The following FOXN3 variants were observed in gnomAD, a reference collection of about 807,000 sequenced individuals.
FOXN3 encodes forkhead box protein N3.
A neutral mutation model predicts 38.4 loss-of-function variants in FOXN3; 7 were observed. The ratio of observed to expected loss-of-function variants is 0.18; its 90% CI spans 0.10 to 0.34. FOXN3 has a LOEUF of 0.34. FOXN3 is among the 10% of genes least tolerant of loss of function. FOXN3 has a pLI of 1.00. For missense variants in FOXN3, 456 were observed against 613.4 expected (o/e 0.74, Z 2.71); for synonymous variants, 230 against 242.2 (o/e 0.95, Z 0.47).
intron 1 of FOXN3, among the ~76,000 whole-genome samples, chr14:89,449,687 C>T (rs1244262147): frequency 6.6e-6 from 1 of 152,122 alleles, no homozygotes; most frequent in African/African-American, 2.4e-5. Context: ...TTTGCAATCT[C>T]GTTTGGAGCA....
chr14:89,513,926 ACACG>A (rs1009831539), intron 1 of FOXN3, among the ~76,000 whole-genome samples: 3 of 149,100 alleles, frequency 2.0e-5, no homozygotes, highest in South Asian at 2.2e-4. Context: ...ACACACACAC[ACACG>A]CACGCACACA....
At chr14:89,328,186 C>T (rs4904547) in intron 3 of FOXN3, among the ~76,000 whole-genome samples, 96,949 of 152,126 alleles carry the variant, frequency 0.64, 32,405 homozygotes, top group South Asian at 0.77. Context: ...TGGAGGTGTA[C>T]GCTCTGATGA....
chr14:89,524,927 C>T (rs777667940), intron 1 of FOXN3, among the ~76,000 whole-genome samples: 98 of 152,258 alleles, frequency 6.4e-4, no homozygotes, highest in Non-Finnish European at 1.2e-3. Flanking sequence ...TTTGACTGAG[C>T]TCCTCTCTAC....
chr14:89,491,695 C>T (rs1351346557), intron 1 of FOXN3, among the ~76,000 whole-genome samples: 8 of 152,194 alleles, frequency 5.3e-5, no homozygotes, highest in African/African-American at 1.9e-4. Flanking sequence ...GAGGTTTATT[C>T]GGACCATTTT....
At chr14:89,285,131 A>G (rs1886583648) in intron 3 of FOXN3, among the ~76,000 whole-genome samples, 1 of 152,206 alleles carries the variant, frequency 6.6e-6, no homozygotes, top group Non-Finnish European at 1.5e-5. Context: ...ACCTGTATTC[A>G]CCAGCTGAAC....
chr14:89,255,052 C>T (rs977285566), intron 4 of FOXN3, among the ~76,000 whole-genome samples: 62 of 152,174 alleles, frequency 4.1e-4, no homozygotes, highest in African/African-American at 1.2e-3. Context: ...TTCTTAGAGG[C>T]TAAGTTCCCA....
intron 2 of FOXN3, among the ~76,000 whole-genome samples, chr14:89,410,457 C>T (rs1891514371): frequency 6.6e-6 from 1 of 152,214 alleles, no homozygotes; most frequent in African/African-American, 2.4e-5. Flanking sequence ...GTGGAAGGAA[C>T]TTTCTCTGGC....
intron 4 of FOXN3, among the ~76,000 whole-genome samples, chr14:89,204,909 T>C (rs946630747): frequency 6.9e-6 from 1 of 145,124 alleles, no homozygotes; most frequent in Non-Finnish European, 1.5e-5. Flanking sequence ...TATTTCATTT[T>C]AGACACAATT....
intron 1 of FOXN3, among the ~76,000 whole-genome samples, chr14:89,534,491 G>A (rs1250716118): frequency 6.6e-6 from 1 of 152,182 alleles, no homozygotes; most frequent in Non-Finnish European, 1.5e-5. Flanking sequence ...AAGAAAGGAA[G>A]CTGTCTAACC....
chr14:89,204,052 TACACACACACACACACACACACAC>T (rs10559428), intron 4 of FOXN3, among the ~76,000 whole-genome samples: 19 of 133,760 alleles, frequency 1.4e-4, no homozygotes, highest in South Asian at 2.8e-4. Context: ...CATACTCCCT[TACACACACACACACACACACACAC>T]ACACACACAC....
At chr14:89,499,204 G>A (rs954356443) in intron 1 of FOXN3, among the ~76,000 whole-genome samples, 1 of 151,998 alleles carries the variant, frequency 6.6e-6, no homozygotes, top group African/African-American at 2.4e-5. Flanking sequence ...GTGCAAAGTG[G>A]CCTGGCTCCC....
intron 2 of FOXN3, among the ~76,000 whole-genome samples, chr14:89,385,257 T>G (rs1890760480): frequency 6.6e-6 from 1 of 152,062 alleles, no homozygotes; most frequent in African/African-American, 2.4e-5. Flanking sequence ...GGCTAATACC[T>G]ACATAAACAT....
chr14:89,263,079 T>C (rs1885859273), intron 4 of FOXN3, among the ~76,000 whole-genome samples: 1 of 152,232 alleles, frequency 6.6e-6, no homozygotes, highest in Non-Finnish European at 1.5e-5. Flanking sequence ...GTTTTCTGCC[T>C]AGAAAAACGC....
chr14:89,333,133 T>A (rs12881202), intron 3 of FOXN3: 27,979 of 155,842 alleles, frequency 0.18, 2,914 homozygotes, highest in South Asian at 0.29. Flanking sequence ...GGAAATGTAA[T>A]TTGGTTCAGC....
At chr14:89,266,215 A>G (rs1885974177) in intron 4 of FOXN3, among the ~76,000 whole-genome samples, 4 of 152,236 alleles carry the variant, frequency 2.6e-5, no homozygotes, top group African/African-American at 9.6e-5. Flanking sequence ...GAAGTCCGAC[A>G]TCAAAGAGCA....
chr14:89,347,575 C>T (rs575941206), intron 3 of FOXN3, among the ~76,000 whole-genome samples: 1 of 152,166 alleles, frequency 6.6e-6, no homozygotes, highest in South Asian at 2.1e-4. Context: ...CTCTGCACTT[C>T]GATTAAAAAC....
intron 1 of FOXN3, among the ~76,000 whole-genome samples, chr14:89,550,594 C>T (rs952824286): frequency 3.3e-5 from 5 of 152,204 alleles, no homozygotes; most frequent in African/African-American, 1.2e-4. Flanking sequence ...CTCTGCACTA[C>T]ACCTGTGTGA....
intron 2 of FOXN3, among the ~76,000 whole-genome samples, chr14:89,385,128 C>A (rs1305258757): frequency 3.3e-5 from 5 of 152,176 alleles, no homozygotes; most frequent in Non-Finnish European, 7.4e-5. Context: ...CCTCTCTCTA[C>A]TGCATTTGTC....
intron 1 of FOXN3, among the ~76,000 whole-genome samples, chr14:89,450,089 C>T (rs1261744590): frequency 2.0e-5 from 3 of 152,154 alleles, no homozygotes; most frequent in African/African-American, 7.2e-5. Context: ...ATGGCCCATC[C>T]GCTCCATTTT....
Sources: allele counts gnomAD v4.1 joint callset (sites outside exome capture counted in the v4.1 genomes callset), GRCh38; gene constraint gnomAD v4.1.1; transcripts MANE v1.5; gene names NCBI Gene and HGNC (gene_info 2026-07-23, HGNC 2026-07-21).